NEU3: variants seen among roughly 807,000 people sequenced by gnomAD.
The protein encoded by NEU3 is sialidase-3.
NEU3 carries 10 observed loss-of-function variants against 11.4 expected under a neutral mutation model. The ratio of observed to expected loss-of-function variants is 0.88; its 90% CI spans 0.54 to 1.49. NEU3 has a LOEUF of 1.49. Ranked by LOEUF, NEU3 falls within the 40% of genes most tolerant of loss-of-function variation. The probability of loss-of-function intolerance (pLI) is 0.00; values close to 1 mark genes in which losing one functional copy is unlikely to be tolerated. For missense variants in NEU3, 529 were observed against 581.8 expected (o/e 0.91, Z 0.93); for synonymous variants, 212 against 228.2 (o/e 0.93, Z 0.64).
At chr11:74,995,606 A>G (rs558518171) in intron 2 of NEU3, among the ~76,000 whole-genome samples, 1 of 152,290 alleles carries the variant, frequency 6.6e-6, no homozygotes, top group East Asian at 1.9e-4. Context: ...TTTACACTAT[A>G]CTGTAGTCTG....
upstream of NEU3, among the ~76,000 whole-genome samples, chr11:74,985,970 G>A (rs528315078): frequency 3.9e-5 from 6 of 152,302 alleles, no homozygotes; most frequent in African/African-American, 1.4e-4. Context: ...GTTAACTGGT[G>A]ACTGGGAACA....
At chr11:74,986,435 A>G (rs1414251078), upstream of NEU3, among the ~76,000 whole-genome samples, 3 of 152,232 alleles carry the variant, frequency 2.0e-5, no homozygotes, top group East Asian at 5.8e-4. Flanking sequence ...GATTGGAATA[A>G]TTGGGATAGT....
chr11:74,985,575 CCT>C (rs33917953), upstream of NEU3, among the ~76,000 whole-genome samples: 39,184 of 151,910 alleles, frequency 0.26, 5,787 homozygotes, highest in East Asian at 0.49. Flanking sequence ...CCAAACAACC[CCT>C]GTGTTCAGGT....
chr11:75,020,425 T>A (rs959946805), downstream of NEU3, among the ~76,000 whole-genome samples: 1 of 152,072 alleles, frequency 6.6e-6, no homozygotes, highest in African/African-American at 2.4e-5. Flanking sequence ...AATTCCTACA[T>A]GTTGTGGGAG....
Position 75,004,625 on chromosome 11 carries a change from AT to A in NEU3, c.307-787del, listed in dbSNP as rs1948880061. The stretch of plus-strand genomic sequence containing the variant: ...GGCATTATCTCATTGTATCCTTATA[AT>A]AACTCCTCTGTGAGGATGTTATTAA... On this transcript the variant is annotated intron_variant, in intron 2 of 2. Transcript: ENST00000294064. Among the ~76,000 whole-genome samples the A allele has an allele frequency of 8.5e-5, 13 of 152,328 alleles. No homozygotes were observed. The South Asian group carries it at 2.7e-3, about 32-fold the overall frequency.
rs1365741070 is a variant in NEU3, at chr11:74,988,977, C to T, written c.-84C>T. ...TCTCGGGGCTTGTCTCCGTGTCCTC[C>T]GTCTCAGTTGTTTCTCCCTCTCTAT... On this transcript the variant is annotated 5_prime_UTR_variant, in exon 1 of 3. Transcript: ENST00000294064. The T allele has an allele frequency of 3.9e-5, 40 of 1,021,440 alleles. No individual in the cohort carries two copies. The South Asian group carries it at 4.2e-4, about 11-fold the overall frequency. The allele number at this position is 1,021,440 out of a possible 1,614,324, so 63.3% of individuals were successfully genotyped here.
In NEU3 at chr11:75,010,177, T is replaced by C. The variant is rs1948942337; in HGVS notation, c.*3685T>C. The stretch of plus-strand genomic sequence containing the variant: ...GTCTATGTTGTGCCCTGTAGGCCTC[T>C]GCTAGGCTGTGAACTCCTTGACTGA... On this transcript the variant is annotated 3_prime_UTR_variant, in exon 3 of 3. Transcript: ENST00000294064. The C allele has an allele frequency of 6.6e-6, 1 of 152,274 alleles. No individual in the cohort carries two copies. Among genetic ancestry groups the C allele is most frequent in the South Asian group, 2.1e-4 (1 of 4,832 alleles). 9.4% of individuals were successfully genotyped at this position (152,274 alleles called of 1,614,324 possible). A position where few individuals can be genotyped will look rare whatever the true frequency, so the allele number is the denominator to read the frequency against.
intron 1 of NEU3, among the ~76,000 whole-genome samples, chr11:74,989,367 T>G (rs941934071): frequency 6.6e-6 from 1 of 152,130 alleles, no homozygotes; most frequent in Non-Finnish European, 1.5e-5. Flanking sequence ...GAATTATCAC[T>G]CCAGAGATGA....
chr11:75,004,493 T>G (rs1948878710), intron 2 of NEU3: 2 of 459,416 alleles, frequency 4.4e-6, no homozygotes, highest in South Asian at 9.5e-5. Flanking sequence ...TCTTGCCCTT[T>G]GCCCATTTCT....
intron 2 of NEU3, among the ~76,000 whole-genome samples, chr11:74,996,125 G>A (rs1000119955): frequency 1.3e-5 from 2 of 152,068 alleles, no homozygotes; most frequent in Non-Finnish European, 2.9e-5. Context: ...CTGCCCTCCC[G>A]CCTGGGGGAC....
Position 75,001,537 on chromosome 11 carries a change from C to T in NEU3, c.307-3876C>T, listed in dbSNP as rs147666756. On this transcript the variant is annotated intron_variant, in intron 2 of 2. Transcript: ENST00000294064. Reference sequence around the variant, plus strand: ...ACCTCAAGTAATCCACCCGCCTTGACCTCCCAAAGTACTAGGATTACAGGC... The same window carrying T: ...ACCTCAAGTAATCCACCCGCCTTGATCTCCCAAAGTACTAGGATTACAGGC... 1.6e-3 allele frequency among the ~76,000 whole-genome samples: 247 copies of T among 152,220 alleles called. 8 individuals are homozygous for T. The East Asian group carries it at 0.042, about 26-fold the overall frequency.
In NEU3 at chr11:75,018,009, T is replaced by C. The variant is rs547064873; in HGVS notation, c.*2-682T>C. Among the ~76,000 whole-genome samples, 578 of 152,312 alleles carry C rather than the reference T, an allele frequency of 3.8e-3. 2 individuals are homozygous for C. The highest frequency in any genetic ancestry group is 6.9e-3 in the Non-Finnish European group (469 of 68,028). On this transcript the variant is annotated intron_variant, in intron 3 of 3. Transcript: ENST00000529024. The stretch of plus-strand genomic sequence containing the variant: ...GAGCAGAAGTGACAAGTCTTCATTC[T>C]AACTCAAGTTTTAGCACTTTTTTTA...
At chr11:75,019,829 C>T (rs1436483163), downstream of NEU3, among the ~76,000 whole-genome samples, 1 of 152,206 alleles carries the variant, frequency 6.6e-6, no homozygotes. Context: ...TACTAGGGCA[C>T]TGCCTAGTGG....
the NEU3 span, among the ~76,000 whole-genome samples, chr11:74,981,134 C>G: frequency 2.2e-4 from 33 of 152,186 alleles, no homozygotes; most frequent in African/African-American, 7.5e-4. Flanking sequence ...CATGCAGACA[C>G]AACAGGAAAA....
chr11:74,988,802 G>A (rs991360931), upstream of NEU3: 7 of 518,490 alleles, frequency 1.4e-5, no homozygotes, highest in African/African-American at 1.4e-4. Flanking sequence ...ACCGAGCTGC[G>A]GGCTGGAGGG....
At chr11:75,001,148 C>T (rs1202428879) in intron 2 of NEU3, among the ~76,000 whole-genome samples, 1 of 152,118 alleles carries the variant, frequency 6.6e-6, no homozygotes, top group African/African-American at 2.4e-5. Context: ...TGTGTGGTAG[C>T]TGTCCAAATA....
At chr11:74,989,225 A>ATC (rs1948704766) in intron 1 of NEU3, 71 bp downstream of exon 1, 1 of 1,298,936 alleles carries the variant, frequency 7.7e-7, no homozygotes, top group South Asian at 1.3e-5. Context: ...GAGCAAGACC[A>ATC]TCTGCGTTTG....
At chr11:74,998,671 C>T (rs1948815872) in intron 2 of NEU3, among the ~76,000 whole-genome samples, 1 of 152,218 alleles carries the variant, frequency 6.6e-6, no homozygotes, top group Non-Finnish European at 1.5e-5. Context: ...AAATGCTATT[C>T]TGCTGAACAT....
the NEU3 span, among the ~76,000 whole-genome samples, chr11:74,981,621 T>C: frequency 6.6e-6 from 1 of 152,136 alleles, no homozygotes; most frequent in South Asian, 2.1e-4. Flanking sequence ...AGTAATAAAG[T>C]TATTTGTCTC....
Sources: allele counts gnomAD v4.1 joint callset (sites outside exome capture counted in the v4.1 genomes callset), GRCh38; gene constraint gnomAD v4.1.1; transcripts MANE v1.5; gene names NCBI Gene and HGNC (gene_info 2026-07-23, HGNC 2026-07-21).